EPC1: variants seen among roughly 807,000 people sequenced by gnomAD.
EPC1 encodes enhancer of polycomb homolog 1.
Under a neutral mutation model 98.4 loss-of-function variants are expected in EPC1, and 12 were observed. The ratio of observed to expected loss-of-function variants is 0.12; its 90% CI spans 0.08 to 0.20. The LOEUF (loss-of-function observed/expected upper bound fraction) is 0.20, where lower values mean the gene tolerates loss of function less well. Among genes scored for constraint, EPC1 ranks in the 10% least tolerant of loss-of-function variants. The pLI, the probability that EPC1 is intolerant of heterozygous loss-of-function variation, is 1.00. For synonymous variants in EPC1, 357 were observed against 363.9 expected, an observed-to-expected ratio of 0.98 and a Z score of 0.21; for missense variants, 729 against 990.5, an observed-to-expected ratio of 0.74 and a Z score of 3.54.
At position 32,293,618 on chromosome 10, in the gene EPC1, G is replaced by T; in HGVS notation, c.433C>A (p.Arg145Ser). Residue 145 changes from arginine to serine, a missense_variant, in exon 3 of 14, where the codon CGC becomes AGC. By Grantham distance (110) the Arg-to-Ser change is moderately radical. Coordinates refer to ENST00000319778, the MANE Select transcript of EPC1 (RefSeq NM_001272004.3). ...TGCTGACCACTGCCTTTTTCTAGGC[G>T]GTCAATCATCTCCTCAAATTGCAAT... Reference protein sequence around the residue: ...CPLQFEEMIDRLEKGSGQQPV... With the variant: ...CPLQFEEMIDSLEKGSGQQPV... The T allele has an allele frequency of 6.2e-7, 1 of 1,613,178 alleles. No homozygotes were observed. Among genetic ancestry groups the T allele is most frequent in the Non-Finnish European group, 8.5e-7 (1 of 1,179,642 alleles).
intron 1 of EPC1, among the ~76,000 whole-genome samples, chr10:32,355,469 C>T (rs77634237): frequency 0.026 from 3,915 of 152,166 alleles, 172 homozygotes; most frequent in African/African-American, 0.09. Context: ...AACTGGATTA[C>T]GTTAAATTAC....
chr10:32,285,108 T>G (rs991679873), intron 9 of EPC1, 58 bp from the exon 10 acceptor site: 22 of 1,384,136 alleles, frequency 1.6e-5, no homozygotes, highest in Non-Finnish European at 2.2e-5. Context: ...AGATTATATA[T>G]TAAAGCTTTT....
chr10:32,366,978 G>A (rs910560929), intron 1 of EPC1, among the ~76,000 whole-genome samples: 25 of 132,550 alleles, frequency 1.9e-4, no homozygotes, highest in Non-Finnish European at 3.7e-4. Context: ...AACTATGTAC[G>A]TATGTATGTA....
intron 1 of EPC1, chr10:32,345,239 G>C: frequency 1.0e-6 from 1 of 985,418 alleles, no homozygotes; most frequent in Non-Finnish European, 1.2e-6. Flanking sequence ...ACAATGTGCT[G>C]AAAGTCAGTG....
chr10:32,327,597 T>C (rs1165780857), intron 1 of EPC1, among the ~76,000 whole-genome samples: 1 of 151,900 alleles, frequency 6.6e-6, no homozygotes. Flanking sequence ...TGGGAATGTG[T>C]TCTGAGAAAT....
chr10:32,319,451 G>A (rs1342216511), intron 1 of EPC1, among the ~76,000 whole-genome samples: 2 of 152,106 alleles, frequency 1.3e-5, no homozygotes, highest in Non-Finnish European at 2.9e-5. Context: ...TTCACCAGAT[G>A]GTGAAAATTA....
At chr10:32,289,626 A>T (rs577764866) in intron 6 of EPC1, among the ~76,000 whole-genome samples, 8 of 143,134 alleles carry the variant, frequency 5.6e-5, no homozygotes, top group East Asian at 2.0e-4. Context: ...GTTTCATGAA[A>T]TTTTTTTTTT....
At chr10:32,275,991 T>TA (rs1836072854) in intron 10 of EPC1, among the ~76,000 whole-genome samples, 1 of 152,080 alleles carries the variant, frequency 6.6e-6, no homozygotes, top group Non-Finnish European at 1.5e-5. Flanking sequence ...GCCTATTTGT[T>TA]AGATATTGCT....
intron 7 of EPC1, 32 bp downstream of exon 7, chr10:32,287,066 T>C (rs200286152): frequency 6.2e-7 from 1 of 1,613,744 alleles, no homozygotes; most frequent in East Asian, 2.2e-5. Flanking sequence ...CCTACATCCC[T>C]CCTCAATGTT....
intron 1 of EPC1, among the ~76,000 whole-genome samples, chr10:32,343,086 T>A (rs1838474159): frequency 6.6e-6 from 1 of 151,892 alleles, no homozygotes; most frequent in Admixed American, 6.6e-5. Context: ...TAAACTTTTA[T>A]CTTTTTTTAA....
chr10:32,295,003 G>A (rs1188997602), intron 2 of EPC1, among the ~76,000 whole-genome samples: 1 of 152,008 alleles, frequency 6.6e-6, no homozygotes, highest in Non-Finnish European at 1.5e-5. Context: ...ACCCAGCCTG[G>A]TATCACTCAT....
chr10:32,358,353 G>A (rs116431987), intron 1 of EPC1, among the ~76,000 whole-genome samples: 1,754 of 152,186 alleles, frequency 0.012, 39 homozygotes, highest in African/African-American at 0.041. Context: ...AAAATAAAAA[G>A]TGGGTTTAGG....
At chr10:32,282,979 G>C (rs2132685549) in intron 10 of EPC1, 1 of 152,270 alleles carries the variant, frequency 6.6e-6, no homozygotes, top group East Asian at 1.9e-4. Context: ...TAAAAGTAGA[G>C]AGAAACTGGC....
chr10:32,326,463 GAAA>G (rs1344346433), intron 1 of EPC1, among the ~76,000 whole-genome samples: 1 of 151,800 alleles, frequency 6.6e-6, no homozygotes, highest in African/African-American at 2.4e-5. Context: ...ACAAGAATAA[GAAA>G]AAAAACTTTG....
At chr10:32,323,809 G>GC (rs1837087837) in intron 1 of EPC1, among the ~76,000 whole-genome samples, 1 of 152,150 alleles carries the variant, frequency 6.6e-6, no homozygotes, top group South Asian at 2.1e-4. Context: ...CACAGAAAAT[G>GC]CCACCTAACT....
chr10:32,335,988 T>C lies in EPC1; in HGVS notation c.153+10775A>G, dbSNP rs573169928. On this transcript the variant is annotated intron_variant, in intron 1 of 13. Transcript: ENST00000319778. ...TTGAGTCCTACCACTTTTCTACCAT[T>C]CATCAGCTCCCGGATGTCTTCTTTC... Among the ~76,000 whole-genome samples the C allele has an allele frequency of 9.1e-4, 138 of 152,002 alleles. 1 individual carries two copies. Among genetic ancestry groups the C allele is most frequent in the African/African-American group, 3.3e-3 (135 of 41,442 alleles).
Position 32,364,107 on chromosome 10 carries a change from C to T in EPC1, c.3+14384G>A, listed in dbSNP as rs1057379666. On this transcript the variant is annotated intron_variant, in intron 1 of 13. Coordinates refer to the EPC1 transcript ENST00000375110. ...TCGGCTCACTGCAACCTCTGTGTCC[C>T]GGGTTCAAGTGATTCTCCTGTCTTA... Among the ~76,000 whole-genome samples, 5 of 145,376 alleles carry T rather than the reference C, an allele frequency of 3.4e-5. No individual in the cohort carries two copies. The South Asian group carries it at 8.8e-4, about 25-fold the overall frequency.
At chr10:32,303,418 A>G (rs537083984) in intron 2 of EPC1, among the ~76,000 whole-genome samples, 30 of 152,344 alleles carry the variant, frequency 2.0e-4, no homozygotes, top group Non-Finnish European at 3.8e-4. Flanking sequence ...ATGTTCTTCA[A>G]TGAGTGAATG....
chr10:32,273,908 C>A (rs182958579), intron 10 of EPC1: 1 of 152,004 alleles, frequency 6.6e-6, no homozygotes, highest in African/African-American at 2.4e-5. Context: ...ATTTTCCCCA[C>A]CCAATTAACC....
Sources: allele counts gnomAD v4.1 joint callset (sites outside exome capture counted in the v4.1 genomes callset), GRCh38; gene constraint gnomAD v4.1.1; transcripts MANE v1.5; gene names NCBI Gene and HGNC (gene_info 2026-07-23, HGNC 2026-07-21).